The following TRPC4AP variants were observed in gnomAD, a reference collection of about 807,000 sequenced individuals.
TRPC4AP encodes transient receptor potential cation channel subfamily C member 4 associated protein, also known as short transient receptor potential channel 4-associated protein.
A neutral mutation model predicts 99.0 loss-of-function variants in TRPC4AP; 45 were observed. That is an observed-to-expected ratio of 0.45 (90% confidence interval 0.36 to 0.58). TRPC4AP has a LOEUF of 0.58. Among genes scored for constraint, TRPC4AP ranks in the 20% least tolerant of loss-of-function variants. TRPC4AP has a pLI of 0.00. For missense variants in TRPC4AP, 879 were observed against 985.3 expected, an observed-to-expected ratio of 0.89 and a Z score of 1.44; for synonymous variants, 408 against 385.8, an observed-to-expected ratio of 1.06 and a Z score of -0.67.
chr20:35,075,838 TATCC>T (rs2084464143), intron 2 of TRPC4AP, among the ~76,000 whole-genome samples: 2 of 152,250 alleles, frequency 1.3e-5, no homozygotes, highest in South Asian at 4.1e-4. Context: ...TCCTGGATAA[TATCC>T]TGAAGAGTGT....
intron 3 of TRPC4AP, among the ~76,000 whole-genome samples, chr20:35,067,333 A>T (rs1031664214): frequency 2.0e-5 from 3 of 152,226 alleles, no homozygotes; most frequent in Middle Eastern, 3.4e-3. Context: ...CTTTTTTTTT[A>T]AATTTTAAAA....
At chr20:35,012,365 G>C (rs1032378673) in intron 11 of TRPC4AP, among the ~76,000 whole-genome samples, 2 of 152,176 alleles carry the variant, frequency 1.3e-5, no homozygotes, top group African/African-American at 2.4e-5. Context: ...TTATGCAACA[G>C]TGGGCCCAGT....
At chr20:35,058,860 T>C (rs978884755) in intron 3 of TRPC4AP, among the ~76,000 whole-genome samples, 1 of 152,018 alleles carries the variant, frequency 6.6e-6, no homozygotes, top group Non-Finnish European at 1.5e-5. Flanking sequence ...GGCTACTTTG[T>C]GTATTTTTAG....
intron 9 of TRPC4AP, among the ~76,000 whole-genome samples, chr20:35,016,812 A>C (rs2082765271): frequency 6.6e-6 from 1 of 152,260 alleles, no homozygotes; most frequent in Non-Finnish European, 1.5e-5. Flanking sequence ...AATTCATGCC[A>C]CAGGCAAAGA....
intron 7 of TRPC4AP, among the ~76,000 whole-genome samples, chr20:35,038,320 T>A (rs1260473549): frequency 1.3e-5 from 2 of 151,866 alleles, no homozygotes; most frequent in African/African-American, 2.4e-5. Context: ...ATAAAAAAGT[T>A]TGATAATGCT....
intron 4 of TRPC4AP, among the ~76,000 whole-genome samples, chr20:35,056,281 A>C (rs2083823728): frequency 6.6e-6 from 1 of 152,192 alleles, no homozygotes; most frequent in Admixed American, 6.5e-5. Flanking sequence ...ATTGGGATTC[A>C]CTCATTCATC....
At chr20:35,036,623 T>G (rs58208529) in intron 7 of TRPC4AP, among the ~76,000 whole-genome samples, 8,640 of 152,120 alleles carry the variant, frequency 0.057, 819 homozygotes, top group African/African-American at 0.2. Flanking sequence ...CAAGGTGAAG[T>G]AGGGTATAGT....
chr20:35,043,404 A>G (rs7269601), intron 7 of TRPC4AP, among the ~76,000 whole-genome samples: 8,632 of 152,052 alleles, frequency 0.057, 818 homozygotes, highest in African/African-American at 0.2. Context: ...GCACCACCAC[A>G]CCCAGCTAAT....
chr20:35,045,016 G>A (rs1234620436), intron 6 of TRPC4AP, among the ~76,000 whole-genome samples: 1 of 151,872 alleles, frequency 6.6e-6, no homozygotes, highest in African/African-American at 2.4e-5. Flanking sequence ...TAAAAAAAAA[G>A]GAAATGCCTA....
chr20:35,017,447 G>A (rs1273031319), intron 9 of TRPC4AP, among the ~76,000 whole-genome samples: 2 of 152,146 alleles, frequency 1.3e-5, no homozygotes, highest in East Asian at 3.8e-4. Context: ...AGAACTGCAG[G>A]AATGATTTCC....
chr20:35,042,107 A>G (rs1002896327), intron 7 of TRPC4AP, among the ~76,000 whole-genome samples: 3 of 152,342 alleles, frequency 2.0e-5, no homozygotes, highest in African/African-American at 7.2e-5. Flanking sequence ...GGAAAGTCAC[A>G]TATTTTTTAA....
chr20:35,059,867 T>C (rs6119565), intron 3 of TRPC4AP, among the ~76,000 whole-genome samples: 87,937 of 150,030 alleles, frequency 0.59, 26,617 homozygotes, highest in Middle Eastern at 0.74. Context: ...GAAGAAAAGA[T>C]GAAGAAAAGA....
At chr20:35,063,125 T>A (rs2084050806) in intron 3 of TRPC4AP, among the ~76,000 whole-genome samples, 1 of 152,162 alleles carries the variant, frequency 6.6e-6, no homozygotes. Context: ...TCTCATGAGA[T>A]CTGATGATTT....
chr20:35,046,909 C>T (rs1019824231), intron 6 of TRPC4AP, among the ~76,000 whole-genome samples: 3 of 152,056 alleles, frequency 2.0e-5, no homozygotes, highest in African/African-American at 4.8e-5. Context: ...CACTGTGATG[C>T]CCAGGCCAGA....
rs139169193 is a variant in TRPC4AP, at chr20:35,006,131, G to A, written c.1827+304C>T. Among the ~76,000 whole-genome samples, 534 of 152,214 alleles carry A rather than the reference G, an allele frequency of 3.5e-3. 11 individuals are homozygous for A. Among genetic ancestry groups the A allele is most frequent in the African/African-American group, 0.012 (500 of 41,524 alleles). On this transcript the variant is annotated intron_variant, in intron 15 of 18. Transcript: ENST00000252015. ...CACACTCGGTGAGCCTAACACACCA[G>A]GCCCAGTCCCTCCCTACAGCGGCTC...
chr20:35,062,366 G>A lies in TRPC4AP; in HGVS notation c.415-4795C>T, dbSNP rs145433054. On this transcript the variant is annotated intron_variant, in intron 3 of 18. Transcript: ENST00000252015. ...TCCACCTAAAAATTTATATGCCAAT[G>A]TTCATGGCAGCATTATTAATCATAG... Among the ~76,000 whole-genome samples the A allele has an allele frequency of 1.1e-3, 174 of 152,268 alleles. 1 individual carries two copies. Among genetic ancestry groups the A allele is most frequent in the Middle Eastern group, 3.4e-3 (1 of 294 alleles).
At chr20:35,004,652 G>C in intron 16 of TRPC4AP, 82 bp from the exon 17 acceptor site, 1 of 1,181,074 alleles carries the variant, frequency 8.5e-7, no homozygotes, top group Non-Finnish European at 1.2e-6. Flanking sequence ...AGCCCCGCTT[G>C]GGTCCTGACT....
At chr20:35,027,540 A>G (rs2083062165) in intron 8 of TRPC4AP, among the ~76,000 whole-genome samples, 1 of 152,202 alleles carries the variant, frequency 6.6e-6, no homozygotes, top group African/African-American at 2.4e-5. Flanking sequence ...TCAAAGAGTA[A>G]GTTGGGAACT....
intron 1 of TRPC4AP, among the ~76,000 whole-genome samples, chr20:35,087,336 C>T (rs1414276278): frequency 3.3e-5 from 4 of 120,152 alleles, no homozygotes; most frequent in Admixed American, 2.3e-4. Context: ...GAGACTCCAT[C>T]TCAAAAAAAA....
Sources: allele counts gnomAD v4.1 joint callset (sites outside exome capture counted in the v4.1 genomes callset), GRCh38; gene constraint gnomAD v4.1.1; transcripts MANE v1.5; gene names NCBI Gene and HGNC (gene_info 2026-07-23, HGNC 2026-07-21).